Variants in KLHL18 observed in about 807,000 individuals in gnomAD.
KLHL18 encodes the protein kelch-like protein 18.
Under a neutral mutation model 58.5 loss-of-function variants are expected in KLHL18, and 38 were observed. That is an observed-to-expected ratio of 0.65 (90% confidence interval 0.50 to 0.85). The LOEUF is 0.85. KLHL18 is among the 40% of genes least tolerant of loss of function. The pLI is 0.00. For synonymous variants in KLHL18, 303 were observed against 301.9 expected (o/e 1.00, Z -0.04); for missense variants, 624 against 778.4 (o/e 0.80, Z 2.36).
intron 3 of KLHL18, among the ~76,000 whole-genome samples, chr3:47,327,289 C>T (rs1198017761): frequency 6.6e-6 from 1 of 152,130 alleles, no homozygotes; most frequent in African/African-American, 2.4e-5. Flanking sequence ...CAGTATTATG[C>T]CAAGCTAATC....
chr3:47,339,555 A>C (rs1265899117), intron 7 of KLHL18, among the ~76,000 whole-genome samples: 1 of 152,200 alleles, frequency 6.6e-6, no homozygotes, highest in Non-Finnish European at 1.5e-5. Context: ...AATGCACAGC[A>C]AACAGGAGCT....
intron 3 of KLHL18, among the ~76,000 whole-genome samples, chr3:47,324,659 C>A (rs1335330304): frequency 6.6e-6 from 1 of 151,738 alleles, no homozygotes; most frequent in East Asian, 1.9e-4. Context: ...AGAGCAAGAC[C>A]CTGTCTCTAC....
intron 1 of KLHL18, among the ~76,000 whole-genome samples, chr3:47,318,583 A>G (rs909881860): frequency 3.3e-5 from 5 of 152,252 alleles, no homozygotes; most frequent in Admixed American, 6.5e-5. Context: ...GTTGGGTACC[A>G]CAGGGAATAA....
rs1415892487 is a variant in KLHL18 at position 47,315,032 on chromosome 3, A to T, written c.130-4621A>T. Among the ~76,000 whole-genome samples the T allele has an allele frequency of 3.3e-5, 5 of 152,318 alleles. No individual in the cohort carries two copies. In the East Asian group the frequency reaches 9.6e-4, roughly 29 times the overall value. On this transcript the variant is annotated intron_variant, in intron 1 of 9. Coordinates refer to ENST00000232766, the MANE Select transcript of KLHL18 (RefSeq NM_025010.5). The stretch of plus-strand genomic sequence containing the variant: ...AAATAAATGCACAGCAGTTAAACAC[A>T]GCCAGTTGAACACATACTTAACTTT...
chr3:47,284,961 G>A (rs558633280), intron 1 of KLHL18, among the ~76,000 whole-genome samples: 58 of 152,234 alleles, frequency 3.8e-4, no homozygotes, highest in African/African-American at 1.3e-3. Flanking sequence ...TGGGACTACA[G>A]GCGCCCGCCA....
chr3:47,291,588 C>T (rs565300271), intron 1 of KLHL18, among the ~76,000 whole-genome samples: 3 of 152,328 alleles, frequency 2.0e-5, no homozygotes, highest in African/African-American at 7.2e-5. Flanking sequence ...ATGGGTGTGG[C>T]TGTGTTCCAG....
chr3:47,285,002 T>C (rs552735589), intron 1 of KLHL18, among the ~76,000 whole-genome samples: 1 of 151,954 alleles, frequency 6.6e-6, no homozygotes, highest in East Asian at 1.9e-4. Context: ...TGTGTGTTTT[T>C]AGTAGAGACA....
intron 1 of KLHL18, among the ~76,000 whole-genome samples, chr3:47,297,282 A>G (rs567638347): frequency 7.9e-5 from 12 of 152,288 alleles, no homozygotes; most frequent in Admixed American, 6.5e-4. Flanking sequence ...CTTAACCCCA[A>G]GAGTTTATGA....
At chr3:47,296,460 G>T (rs1324690411) in intron 1 of KLHL18, among the ~76,000 whole-genome samples, 1 of 152,220 alleles carries the variant, frequency 6.6e-6, no homozygotes, top group Non-Finnish European at 1.5e-5. Context: ...GTGAATGGGA[G>T]TCAGCCTCTG....
Sources: gnomAD v4.1 joint callset for allele counts (sites outside exome capture counted in the v4.1 genomes callset) on GRCh38, gnomAD v4.1.1 for gene constraint, MANE v1.5 for transcripts, NCBI Gene and HGNC (gene_info 2026-07-23, HGNC 2026-07-21) for gene names.